The following DOCK7 variants were observed in gnomAD, a reference collection of about 807,000 sequenced individuals.
DOCK7 encodes dedicator of cytokinesis 7.
In DOCK7, 138 loss-of-function variants were observed where a neutral mutation model predicts 271.0. The observed-to-expected ratio is 0.51, with a 90% CI of 0.44 to 0.59. The LOEUF is 0.59. Among genes scored for constraint, DOCK7 ranks in the 20% least tolerant of loss-of-function variants. DOCK7 has a pLI of 0.00. For synonymous variants in DOCK7, 823 were observed against 876.1 expected (o/e 0.94, Z 1.07); for missense variants, 2,066 against 2,592.4 (o/e 0.80, Z 4.41).
chr1:62,514,006 A>G, intron 31 of DOCK7, 108 bp from the exon 32 acceptor site: 1 of 967,018 alleles, frequency 1.0e-6, no homozygotes, highest in Non-Finnish European at 1.5e-6. Context: ...GTTGCTTAAA[A>G]ATAATATAAT....
rs1557692137 is a variant in DOCK7 at position 62,543,495 on chromosome 1, T to C, written c.2949+161A>G. On this transcript the variant is annotated intron_variant, in intron 24 of 49. Transcript: ENST00000635253. ...TAAAAAAGTATACATTGACAAGATA[T>C]GCCCCAAAAGGCATCAGACAAGCAA... The C allele has an allele frequency of 6.4e-5, 30 of 468,678 alleles. No individual in the cohort carries two copies. In the East Asian group the frequency reaches 8.8e-4, roughly 14 times the overall value. 29.0% of individuals were successfully genotyped at this position (468,678 alleles called of 1,614,324 possible). A position where few individuals can be genotyped will look rare whatever the true frequency, so the allele number is the denominator to read the frequency against.
At chr1:62,486,524 T>C (rs1646298185) in intron 43 of DOCK7, 1 of 152,112 alleles carries the variant, frequency 6.6e-6, no homozygotes, top group African/African-American at 2.4e-5. Flanking sequence ...TATAGAATTA[T>C]TTCCTTTGCA....
intron 22 of DOCK7, among the ~76,000 whole-genome samples, chr1:62,547,328 T>C (rs1645743537): frequency 6.6e-6 from 1 of 152,208 alleles, no homozygotes; most frequent in South Asian, 2.1e-4. Context: ...ATCACTTATA[T>C]TTAATATAAT....
intron 28 of DOCK7, among the ~76,000 whole-genome samples, chr1:62,537,279 CAG>C (rs1029866297): frequency 1.2e-4 from 18 of 152,068 alleles, no homozygotes; most frequent in African/African-American, 4.3e-4. Flanking sequence ...GAATATAAAA[CAG>C]TGGTTAAGAA....
At chr1:62,460,951 C>T (rs1645507005) in intron 48 of DOCK7, 1 of 152,196 alleles carries the variant, frequency 6.6e-6, no homozygotes, top group Non-Finnish European at 1.5e-5. Context: ...AGGTACCACA[C>T]TGGCCAAGTT....
chr1:62,638,924 T>C (rs1655635070), intron 7 of DOCK7, among the ~76,000 whole-genome samples: 1 of 151,984 alleles, frequency 6.6e-6, no homozygotes, highest in South Asian at 2.1e-4. Flanking sequence ...TCTTTTTTTT[T>C]AGTTGAAGTA....
chr1:62,459,350 T>C (rs1399406931), intron 48 of DOCK7, among the ~76,000 whole-genome samples: 2 of 151,778 alleles, frequency 1.3e-5, no homozygotes, highest in Non-Finnish European at 2.9e-5. Context: ...CAAGTGATTC[T>C]CGTATTTAGC....
At chr1:62,612,852 G>C (rs1651963047) in intron 14 of DOCK7, among the ~76,000 whole-genome samples, 3 of 152,084 alleles carry the variant, frequency 2.0e-5, no homozygotes, top group Admixed American at 2.0e-4. Context: ...ATACTAAGTA[G>C]AAAAACAAAG....
chr1:62,500,691 A>T (rs1646756114), intron 37 of DOCK7, among the ~76,000 whole-genome samples: 1 of 152,212 alleles, frequency 6.6e-6, no homozygotes, highest in African/African-American at 2.4e-5. Context: ...ACCTTTCAAT[A>T]TATCTACAAC....
intron 14 of DOCK7, chr1:62,597,491 A>G (rs1649427048): frequency 6.6e-7 from 1 of 1,516,296 alleles, no homozygotes; most frequent in Non-Finnish European, 9.0e-7. Context: ...ATTGGTATAT[A>G]TAGAGTTAAG....
At chr1:62,532,806 T>C (rs945817045) in intron 29 of DOCK7, among the ~76,000 whole-genome samples, 2 of 152,192 alleles carry the variant, frequency 1.3e-5, no homozygotes, top group African/African-American at 4.8e-5. Flanking sequence ...AAGGTGGGAA[T>C]GAGCTTGGTG....
rs1445946414 is a variant in DOCK7, at chr1:62,510,882, T to TG, written c.4283-210_4283-209insC. ...AATGTACTTGCTATATGCAGTATCTTTTCTTTAAAACAATACCCACTTAAA... is the reference window on the plus strand; with the variant it reads ...AATGTACTTGCTATATGCAGTATCTTGTTCTTTAAAACAATACCCACTTAAA... On this transcript the variant is annotated intron_variant, in intron 33 of 49. Transcript: ENST00000635253. The TG allele has an allele frequency of 7.0e-6, 3 of 426,558 alleles. No individual in the cohort carries two copies. In the East Asian group the frequency reaches 1.2e-4, roughly 16 times the overall value. 26.4% of individuals were successfully genotyped at this position (426,558 alleles called of 1,614,324 possible).
chr1:62,688,146 C>G, intron 1 of DOCK7, 81 bp downstream of exon 1: 2 of 1,226,866 alleles, frequency 1.6e-6, no homozygotes, highest in Non-Finnish European at 1.0e-6. Flanking sequence ...CACACCCACC[C>G]GCCTCCTAGG....
At chr1:62,545,264 T>G (rs1190574819) in intron 22 of DOCK7, among the ~76,000 whole-genome samples, 2 of 152,092 alleles carry the variant, frequency 1.3e-5, no homozygotes, top group Non-Finnish European at 2.9e-5. Flanking sequence ...AGTATAGTAT[T>G]TAAAGGTAAT....
chr1:62,607,522 C>T (rs1651175320), intron 14 of DOCK7, among the ~76,000 whole-genome samples: 1 of 152,162 alleles, frequency 6.6e-6, no homozygotes, highest in South Asian at 2.1e-4. Context: ...TCTCTTCTTT[C>T]CTCCTAATTT....
chr1:62,456,299 AAAG>A (rs1431850091), intron 49 of DOCK7, among the ~76,000 whole-genome samples: 4 of 152,324 alleles, frequency 2.6e-5, no homozygotes, highest in Admixed American at 2.0e-4. Context: ...TTCAAATGCT[AAAG>A]AAGAATTTTA....
At chr1:62,655,507 C>T (rs1657911691) in intron 2 of DOCK7, among the ~76,000 whole-genome samples, 1 of 151,542 alleles carries the variant, frequency 6.6e-6, no homozygotes, top group Non-Finnish European at 1.5e-5. Flanking sequence ...TCACTGCAAC[C>T]TTTGCGTCCT....
chr1:62,553,312 T>TTTTA (rs1490638615), intron 21 of DOCK7, among the ~76,000 whole-genome samples: 7 of 20,584 alleles, frequency 3.4e-4, no homozygotes, highest in Non-Finnish European at 4.3e-4. Flanking sequence ...AAAAAGTATT[T>TTTTA]TATATATATA....
At chr1:62,484,006 A>C (rs1646218765) in intron 43 of DOCK7, 1 of 152,094 alleles carries the variant, frequency 6.6e-6, no homozygotes, top group African/African-American at 2.4e-5. Flanking sequence ...CGCCCTGCTC[A>C]TTATAATTTG....
Sources: allele counts gnomAD v4.1 joint callset (sites outside exome capture counted in the v4.1 genomes callset), GRCh38; gene constraint gnomAD v4.1.1; transcripts MANE v1.5; gene names NCBI Gene and HGNC (gene_info 2026-07-23, HGNC 2026-07-21).